TEKT4: variants seen among roughly 807,000 people sequenced by gnomAD.
TEKT4 encodes tektin-4.
TEKT4 carries 46 observed loss-of-function variants against 46.0 expected under a neutral mutation model. The ratio of observed to expected loss-of-function variants is 1.00; its 90% CI spans 0.79 to 1.28. The LOEUF (loss-of-function observed/expected upper bound fraction) is 1.28. Among genes scored for constraint, TEKT4 ranks in the 50% most tolerant of loss-of-function variants. The pLI is 0.00. For synonymous variants in TEKT4, 325 were observed against 265.8 expected (o/e 1.22, Z -2.17); for missense variants, 790 against 622.9 (o/e 1.27, Z -2.85).
intron 3 of TEKT4, 87 bp downstream of exon 3, chr2:94,874,195 G>A (rs774961309): frequency 7.6e-5 from 113 of 1,493,508 alleles, no homozygotes; most frequent in Non-Finnish European, 9.3e-5. Context: ...GCTTTCACCA[G>A]CCTGGCCCGG....
rs782253770 is a variant in TEKT4, at chr2:94,871,855, C to T, written c.276C>T (p.Gly92=). The part of the protein sequence containing the change: ...RTQQDSTRTV[G]ERLQDTHSWK... ...AGCAAGACTCCACGCGCACAGTGGG[C>T]GAGCGACTGCAGGACACGCACAGCT... Residue 92 remains glycine (G), a synonymous_variant, in exon 1 of 6, where the codon GGC becomes GGT. Coordinates refer to ENST00000295201, the MANE Select transcript of TEKT4 (RefSeq NM_144705.4). The T allele has an allele frequency of 1.9e-6, 3 of 1,602,826 alleles. No homozygotes were observed. The highest frequency in any genetic ancestry group is 1.3e-5 in the African/African-American group (1 of 74,952).
chr2:94,874,419 C>A (rs1181516980), intron 3 of TEKT4, among the ~76,000 whole-genome samples: 3 of 151,610 alleles, frequency 2.0e-5, no homozygotes, highest in African/African-American at 7.3e-5. Flanking sequence ...CGGCAAACTC[C>A]TGGGAGCAAA....
At chr2:94,873,871 T>G in intron 2 of TEKT4, 94 bp from the exon 3 acceptor site, 1 of 1,537,476 alleles carries the variant, frequency 6.5e-7, no homozygotes, top group Admixed American at 1.9e-5. Context: ...AACTCCCTCC[T>G]GAGGCAGGCA....
chr2:94,872,126 G>GCTC, intron 1 of TEKT4, 49 bp downstream of exon 1: 1 of 1,347,298 alleles, frequency 7.4e-7, no homozygotes, highest in Middle Eastern at 2.6e-4. Flanking sequence ...GAGAGGAGGA[G>GCTC]CCCCCCCCCC....
intron 4 of TEKT4, 24 bp downstream of exon 4, chr2:94,875,022 A>AC: frequency 2.6e-6 from 4 of 1,563,446 alleles, no homozygotes; most frequent in Non-Finnish European, 3.5e-6. Flanking sequence ...AACCCCGAAG[A>AC]CGGCCCCCTC....
rs782215450 is a variant in TEKT4, at chr2:94,875,710, C to A, written c.1059C>A (p.Asn353Lys). ...TGTACCTGCGCTCGCACCGGCCCAACATGGAGCTGTGCCGTGACGCAGCCC... is the reference window on the plus strand; with the variant it reads ...TGTACCTGCGCTCGCACCGGCCCAAAATGGAGCTGTGCCGTGACGCAGCCC... Reference protein sequence around the residue: ...TRLYLRSHRPNMELCRDAAQF... With the variant: ...TRLYLRSHRPKMELCRDAAQF... Residue 353 changes from asparagine (N) to lysine (K), a missense_variant, in exon 5 of 6, where the codon AAC becomes AAA. Physicochemically the swap from Asn to Lys is moderately conservative, Grantham distance 94. Transcript: ENST00000295201. The A allele has an allele frequency of 6.2e-7, 1 of 1,614,058 alleles. No individual in the cohort carries two copies. The highest frequency in any genetic ancestry group is 1.1e-5 in the South Asian group (1 of 91,092).
chr2:94,875,658 C>T lies in TEKT4; in HGVS notation c.1007C>T (p.Ala336Val). The T allele has an allele frequency of 6.2e-7, 1 of 1,614,182 alleles. No homozygotes were observed. ...AAGCAGGCCATCAAGGACAAAGAGG[C>T]ACCTCTGCACGTAGCCCAGACCCGG... ...ALKQAIKDKE[A>V]PLHVAQTRLY... is the part of the protein sequence containing the mutation. The change falls in exon 5 of 6, where the codon GCA (alanine) becomes GTA (valine). Residue 336 changes from alanine (A) to valine (V), a missense_variant. Physicochemically the swap from Ala to Val is moderately conservative, Grantham distance 64. Transcript: ENST00000295201.
chr2:94,875,595 G>A lies in TEKT4; in HGVS notation c.944G>A (p.Arg315Gln), dbSNP rs184833673. Residue 315 changes from arginine (R) to glutamine (Q), a missense_variant, in exon 5 of 6, where the codon CGG becomes CAG. Physicochemically the swap from Arg to Gln is conservative, Grantham distance 43. Transcript: ENST00000295201. ...GAACTGTCCTGTCTGCAGACACTGC[G>A]GGAAATCACAGATCAGGAACACAAC... Reference protein sequence around the residue: ...KLHHHLHKTLREITDQEHNVA... With the variant: ...KLHHHLHKTLQEITDQEHNVA... 2.7e-5 allele frequency: 44 copies of A among 1,614,176 alleles called. No individual in the cohort carries two copies. Among genetic ancestry groups the A allele is most frequent in the Middle Eastern group, 1.7e-4 (1 of 6,054 alleles).
At chr2:94,874,170 G>A (rs1680716507) in intron 3 of TEKT4, 62 bp downstream of exon 3, 1 of 1,572,276 alleles carries the variant, frequency 6.4e-7, no homozygotes, top group South Asian at 1.1e-5. Flanking sequence ...TCTGCCTGGG[G>A]GCCCCAGCGG....
chr2:94,875,209 C>T (rs782579644), intron 4 of TEKT4, among the ~76,000 whole-genome samples: 1 of 152,178 alleles, frequency 6.6e-6, no homozygotes, highest in Admixed American at 6.5e-5. Context: ...AGGATGGAGG[C>T]AGGAGGTGGT....
rs782213190 is a variant in TEKT4 at position 94,876,559 on chromosome 2, G to C, written c.1098G>C (p.Leu366Phe). The C allele has an allele frequency of 3.1e-6, 5 of 1,606,070 alleles. No individual in the cohort carries two copies. In the Admixed American group the frequency reaches 5.1e-5, roughly 16 times the overall value. Residue 366 changes from leucine to phenylalanine, a missense_variant, in exon 6 of 6, where the codon TTG (leucine) becomes TTC (phenylalanine). By Grantham distance (22) the Leu-to-Phe change is conservative (BLOSUM62 0). Coordinates refer to ENST00000295201, the MANE Select transcript of TEKT4 (RefSeq NM_144705.4). ...LCRDAAQFRL[L>F]SEVEELNMSL... ...ACCCCCCCAACACCCCCAGGCTGTTGAGTGAGGTGGAGGAGCTGAACATGT... is the reference window on the plus strand; with the variant it reads ...ACCCCCCCAACACCCCCAGGCTGTTCAGTGAGGTGGAGGAGCTGAACATGT...
intron 5 of TEKT4, 58 bp downstream of exon 5, chr2:94,875,800 C>T: frequency 1.3e-6 from 2 of 1,559,986 alleles, no homozygotes; most frequent in Non-Finnish European, 1.7e-6. Flanking sequence ...CTCCCTGTGA[C>T]TCTCTCCAAT....
At chr2:94,873,258 G>A in intron 1 of TEKT4, 1 of 1,341,490 alleles carries the variant, frequency 7.5e-7, no homozygotes, top group Non-Finnish European at 9.6e-7. Context: ...GAAGCCTGGG[G>A]CGTGGGAACT....
chr2:94,872,258 A>G, intron 1 of TEKT4, 181 bp downstream of exon 1: 4 of 731,376 alleles, frequency 5.5e-6, no homozygotes, highest in Non-Finnish European at 8.7e-6. Flanking sequence ...TTTGCCCCAG[A>G]AGACCCCTGA....
chr2:94,872,380 C>T (rs1439535338), intron 1 of TEKT4: 2 of 503,600 alleles, frequency 4.0e-6, no homozygotes, highest in Non-Finnish European at 7.1e-6. Flanking sequence ...CAGAGACCCT[C>T]CCTCGCTGGG....
At position 94,871,591 on chromosome 2, in the gene TEKT4, A is replaced by G. The variant is rs1553394409; in HGVS notation, c.12A>G (p.Thr4=). 1 of 1,605,692 alleles carries G rather than the reference A, an allele frequency of 6.2e-7. No homozygotes were observed. The highest frequency in any genetic ancestry group is 1.3e-5 in the African/African-American group (1 of 74,932). ...GGGCGGCAGGCACCATGGCGCAGAC[A>G]GTGCCGCCCTGCGAGCTGCCCTGCA... MAQ[T]VPPCELPCKE... is the part of the protein sequence containing the mutation. Residue 4 remains threonine (T), a synonymous_variant, in exon 1 of 6, where the codon ACA becomes ACG. Coordinates refer to ENST00000295201, the MANE Select transcript of TEKT4 (RefSeq NM_144705.4).
At chr2:94,873,148 G>T (rs1401858657) in intron 1 of TEKT4, 16 of 1,227,706 alleles carry the variant, frequency 1.3e-5, no homozygotes, top group Non-Finnish European at 1.6e-5. Context: ...GCCTGGGCGG[G>T]CATCTGGGCC....
Position 94,871,502 on chromosome 2 carries a change from C to A in TEKT4, c.-78C>A, listed in dbSNP as rs112736327. On this transcript the variant is annotated 5_prime_UTR_variant, in exon 1 of 6. The change creates a new upstream start codon in the 5' untranslated region. Transcript: ENST00000295201. ...GGACTGAGCCGTTGGAGCTGCCCCG[C>A]TGACCGCACTAGGCTGACCGCAACC... 2 of 1,456,622 alleles carry A rather than the reference C, an allele frequency of 1.4e-6. No individual in the cohort carries two copies. Among genetic ancestry groups the A allele is most frequent in the Non-Finnish European group, 1.8e-6 (2 of 1,105,436 alleles). The allele number at this position is 1,456,622 out of a possible 1,614,324, so 90.2% of individuals were successfully genotyped here. A position where few individuals can be genotyped will look rare whatever the true frequency, so the allele number is the denominator to read the frequency against.
At chr2:94,873,272 G>T in intron 1 of TEKT4, 1 of 1,364,844 alleles carries the variant, frequency 7.3e-7, no homozygotes, top group Non-Finnish European at 9.5e-7. Flanking sequence ...GGGAACTGCC[G>T]CTGAGGGACC....
Sources: gnomAD v4.1 joint callset for allele counts (sites outside exome capture counted in the v4.1 genomes callset) on GRCh38, gnomAD v4.1.1 for gene constraint, MANE v1.5 for transcripts, NCBI Gene and HGNC (gene_info 2026-07-23, HGNC 2026-07-21) for gene names.